HTR2C: variants seen among roughly 807,000 people sequenced by gnomAD.
HTR2C encodes the protein 5-hydroxytryptamine (serotonin) receptor 2C, G protein-coupled.
In HTR2C, 5 loss-of-function variants were observed where a neutral mutation model predicts 21.0. The ratio of observed to expected loss-of-function variants is 0.24; its 90% confidence interval spans 0.12 to 0.50. The LOEUF is 0.50. Among genes scored for constraint, HTR2C ranks in the 20% least tolerant of loss-of-function variants. HTR2C has a pLI of 0.98. For synonymous variants in HTR2C, 150 were observed against 145.3 expected (o/e 1.03, Z -0.23); for missense variants, 271 against 371.2 (o/e 0.73, Z 2.22).
intron 1 of HTR2C, among the ~76,000 whole-genome samples, chrX:114,597,888 A>G (rs782297073): frequency 8.9e-5 from 10 of 112,070 alleles, no homozygotes; most frequent in African/African-American, 1.3e-4. Flanking sequence ...AATATTTAAG[A>G]TTGATATTTA....
At chrX:114,651,411 T>C (rs1408834192) in intron 2 of HTR2C, 3 of 123,637 alleles carry the variant, frequency 2.4e-5, no homozygotes, top group African/African-American at 9.7e-5. Context: ...ATATTGTCTC[T>C]TCAAGCTTTA....
chrX:114,601,462 C>T (rs370576677), intron 1 of HTR2C, among the ~76,000 whole-genome samples: 23 of 103,708 alleles, frequency 2.2e-4, no homozygotes, highest in African/African-American at 6.8e-4. Flanking sequence ...CTCTGGCGGG[C>T]AGGAGTGGGG....
intron 1 of HTR2C, among the ~76,000 whole-genome samples, chrX:114,603,358 G>A (rs1169143489): frequency 2.7e-5 from 3 of 109,983 alleles, no homozygotes; most frequent in Non-Finnish European, 3.8e-5. Flanking sequence ...GCCTCTAAAA[G>A]TATTAAAGCA....
At chrX:114,826,081 CTT>C (rs35488941) in intron 4 of HTR2C, among the ~76,000 whole-genome samples, 375 of 94,575 alleles carry the variant, frequency 4.0e-3, no homozygotes, top group African/African-American at 7.3e-3. Flanking sequence ...AAATCAAAAA[CTT>C]TTTTTTTTTT....
At chrX:114,633,147 A>C (rs1249699951) in intron 2 of HTR2C, among the ~76,000 whole-genome samples, 3 of 110,909 alleles carry the variant, frequency 2.7e-5, no homozygotes, top group Non-Finnish European at 5.7e-5. Context: ...TTTTCTCAGC[A>C]TTTTTCCTAA....
intron 5 of HTR2C, among the ~76,000 whole-genome samples, chrX:114,905,577 C>T (rs1241897833): frequency 9.0e-6 from 1 of 111,593 alleles, no homozygotes; most frequent in African/African-American, 3.3e-5. Flanking sequence ...GATGTAGACA[C>T]CTACCAGCCC....
intron 2 of HTR2C, among the ~76,000 whole-genome samples, chrX:114,690,773 A>T (rs12389473): frequency 0.012 from 1,331 of 111,356 alleles, 14 homozygotes; most frequent in African/African-American, 0.041. Flanking sequence ...ATAAGCATGC[A>T]ATGTTTTGCT....
intron 5 of HTR2C, among the ~76,000 whole-genome samples, chrX:114,851,106 T>C (rs2070913865): frequency 8.9e-6 from 1 of 111,885 alleles, no homozygotes; most frequent in Non-Finnish European, 1.9e-5. Flanking sequence ...ACATAGTATA[T>C]ACATTATAAA....
intron 2 of HTR2C, among the ~76,000 whole-genome samples, chrX:114,661,013 T>C (rs1342040466): frequency 1.8e-5 from 2 of 112,296 alleles, no homozygotes; most frequent in Non-Finnish European, 3.8e-5. Flanking sequence ...AAGTTAATAG[T>C]CAAATAAGTA....
chrX:114,799,834 TTA>T (rs1331061874), intron 4 of HTR2C, among the ~76,000 whole-genome samples: 4 of 111,457 alleles, frequency 3.6e-5, no homozygotes, highest in Non-Finnish European at 7.6e-5. Flanking sequence ...ATTTGTATGT[TTA>T]TATATATGTA....
chrX:114,678,178 T>G (rs895271534), intron 2 of HTR2C, among the ~76,000 whole-genome samples: 2 of 110,582 alleles, frequency 1.8e-5, no homozygotes, highest in African/African-American at 3.3e-5. Context: ...TCTCTGCACA[T>G]GTAGTAAATA....
At chrX:114,647,828 G>T (rs782041491) in intron 2 of HTR2C, among the ~76,000 whole-genome samples, 1 of 111,445 alleles carries the variant, frequency 9.0e-6, no homozygotes, top group South Asian at 3.8e-4. Flanking sequence ...CAGAGACATT[G>T]CAGGCAGAGG....
At chrX:114,677,240 A>G (rs1377561444) in intron 2 of HTR2C, among the ~76,000 whole-genome samples, 1 of 111,328 alleles carries the variant, frequency 9.0e-6, no homozygotes, top group African/African-American at 3.3e-5. Context: ...GAAATAAACT[A>G]TGGTGGCAAT....
intron 2 of HTR2C, among the ~76,000 whole-genome samples, chrX:114,648,150 T>C (rs1201649096): frequency 9.0e-6 from 1 of 111,530 alleles, no homozygotes; most frequent in Non-Finnish European, 1.9e-5. Context: ...TCTAATGTAA[T>C]AAAACTTGAG....
intron 4 of HTR2C, among the ~76,000 whole-genome samples, chrX:114,767,821 G>A (rs1381305452): frequency 9.1e-6 from 1 of 109,445 alleles, no homozygotes; most frequent in Non-Finnish European, 1.9e-5. Flanking sequence ...AAAATGAAGT[G>A]TCTAATTTTG....
chrX:114,859,871 T>G (rs1556472395), intron 5 of HTR2C, among the ~76,000 whole-genome samples: 1 of 111,977 alleles, frequency 8.9e-6, no homozygotes, highest in African/African-American at 3.2e-5. Context: ...ACTGTTGATG[T>G]GTATTTTAAT....
chrX:114,886,678 C>T (rs1233972239), intron 5 of HTR2C, among the ~76,000 whole-genome samples: 1 of 110,712 alleles, frequency 9.0e-6, no homozygotes, highest in African/African-American at 3.3e-5. Flanking sequence ...ATACATATCA[C>T]ATCAATACAT....
chrX:114,611,942 C>T (rs1556398806), intron 1 of HTR2C, among the ~76,000 whole-genome samples: 2 of 110,692 alleles, frequency 1.8e-5, no homozygotes, highest in African/African-American at 6.6e-5. Context: ...CGTGATCCTC[C>T]TGCCTTGGCC....
In HTR2C at chrX:114,665,563, A is replaced by G. The variant is rs142624489; in HGVS notation, c.-80+51682A>G. Reference sequence around the variant, plus strand: ...TGATATTATAAACAGTTGATTAACAAATGTTTTCTATGTTATATGTATTAT... The same window carrying G: ...TGATATTATAAACAGTTGATTAACAGATGTTTTCTATGTTATATGTATTAT... On this transcript the variant is annotated intron_variant, in intron 2 of 5. Coordinates refer to ENST00000276198, the MANE Select transcript of HTR2C (RefSeq NM_000868.4). Among the ~76,000 whole-genome samples the G allele has an allele frequency of 2.3e-3, 262 of 112,485 alleles. 1 individual carries two copies. Among genetic ancestry groups the G allele is most frequent in the Non-Finnish European group, 4.0e-3 (214 of 53,324 alleles).
Sources: gnomAD v4.1 joint callset for allele counts (sites outside exome capture counted in the v4.1 genomes callset) on GRCh38, gnomAD v4.1.1 for gene constraint, MANE v1.5 for transcripts, NCBI Gene and HGNC (gene_info 2026-07-23, HGNC 2026-07-21) for gene names.